The following RNGTT variants were observed in gnomAD, a reference collection of about 807,000 sequenced individuals.
RNGTT encodes the protein mRNA-capping enzyme.
Under a neutral mutation model 79.3 loss-of-function variants are expected in RNGTT, and 33 were observed. The observed-to-expected ratio is 0.42, with a 90% CI of 0.32 to 0.56. RNGTT has a LOEUF of 0.56. Among genes scored for constraint, RNGTT ranks in the 20% least tolerant of loss-of-function variants. The probability of loss-of-function intolerance (pLI) is 0.17; values close to 1 mark genes in which losing one functional copy is unlikely to be tolerated. For missense variants in RNGTT, 497 were observed against 739.1 expected (o/e 0.67, Z 3.80); for synonymous variants, 222 against 235.9 (o/e 0.94, Z 0.54).
intron 14 of RNGTT, among the ~76,000 whole-genome samples, chr6:88,675,102 GA>G (rs10554864): frequency 0.013 from 1,387 of 106,606 alleles, 10 homozygotes; most frequent in African/African-American, 0.024. Context: ...CGTCTCAGAA[GA>G]AAAAAAAAAA....
At chr6:88,854,910 T>C (rs1212981010) in intron 8 of RNGTT, among the ~76,000 whole-genome samples, 1 of 152,140 alleles carries the variant, frequency 6.6e-6, no homozygotes, top group East Asian at 1.9e-4. Flanking sequence ...AAATGGATAA[T>C]AAGAAGACTT....
intron 13 of RNGTT, among the ~76,000 whole-genome samples, chr6:88,718,860 A>G (rs1182912671): frequency 6.6e-6 from 1 of 152,198 alleles, no homozygotes; most frequent in Non-Finnish European, 1.5e-5. Flanking sequence ...AAGAGAGGAT[A>G]CAGAGTATCC....
At chr6:88,682,312 T>C (rs924924853) in intron 13 of RNGTT, among the ~76,000 whole-genome samples, 2 of 152,218 alleles carry the variant, frequency 1.3e-5, no homozygotes, top group Non-Finnish European at 2.9e-5. Flanking sequence ...ACAAAATACC[T>C]TGAAACAACT....
intron 15 of RNGTT, among the ~76,000 whole-genome samples, chr6:88,613,830 T>C (rs778622556): frequency 6.6e-6 from 1 of 152,238 alleles, no homozygotes; most frequent in Non-Finnish European, 1.5e-5. Flanking sequence ...GCAGATTTTG[T>C]CTTTTTAAAT....
chr6:88,656,497 CTT>C (rs1190809431), intron 14 of RNGTT, among the ~76,000 whole-genome samples: 1 of 151,900 alleles, frequency 6.6e-6, no homozygotes, highest in Non-Finnish European at 1.5e-5. Context: ...TCTAGTATCT[CTT>C]TGGTTAATAG....
rs188456130 is a variant in RNGTT at position 88,695,407 on chromosome 6, A to T, written c.1440-16988T>A. ...CAAATGGCCAACAGGTATATGAAAA[A>T]TTGTTCAATATCACTAAGCATTAGG... is the stretch of plus-strand genomic sequence containing the variant. On this transcript the variant is annotated intron_variant, in intron 13 of 15. Coordinates refer to ENST00000369485, the MANE Select transcript of RNGTT (RefSeq NM_003800.5). Among the ~76,000 whole-genome samples, 785 of 152,340 alleles carry T rather than the reference A, an allele frequency of 5.2e-3. 8 individuals carry two copies. Among genetic ancestry groups the T allele is most frequent in the Non-Finnish European group, 8.2e-3 (556 of 68,034 alleles).
intron 13 of RNGTT, among the ~76,000 whole-genome samples, chr6:88,680,137 T>C (rs955975473): frequency 7.2e-5 from 11 of 152,328 alleles, no homozygotes; most frequent in Non-Finnish European, 1.2e-4. Flanking sequence ...CATACTGATA[T>C]AATCATAGAA....
At chr6:88,615,330 C>T (rs776326001) in intron 14 of RNGTT, among the ~76,000 whole-genome samples, 6 of 152,116 alleles carry the variant, frequency 3.9e-5, no homozygotes, top group African/African-American at 4.8e-5. Flanking sequence ...AGGAATATGA[C>T]GAGAAGTAAG....
chr6:88,876,574 T>C (rs550245898), intron 8 of RNGTT, among the ~76,000 whole-genome samples: 6 of 152,312 alleles, frequency 3.9e-5, no homozygotes, highest in African/African-American at 1.4e-4. Flanking sequence ...AAGCCTATCA[T>C]AGCTAGCACA....
intron 4 of RNGTT, among the ~76,000 whole-genome samples, chr6:88,913,214 C>CAAAAAAAAAAAAAAAAAAA (rs58717773): frequency 1.5e-5 from 1 of 65,524 alleles, no homozygotes; most frequent in African/African-American, 4.6e-5. Context: ...CAAAAAAAAA[C>CAAAAAAAAAAAAAAAAAAA]AAAAAAAAAA....
intron 13 of RNGTT, among the ~76,000 whole-genome samples, chr6:88,697,902 G>C (rs1470232317): frequency 5.0e-5 from 4 of 80,560 alleles, no homozygotes; most frequent in South Asian, 3.5e-4. Context: ...ATATATATAT[G>C]ATATATATAT....
intron 13 of RNGTT, among the ~76,000 whole-genome samples, chr6:88,717,183 G>A (rs1299851910): frequency 6.6e-6 from 1 of 152,166 alleles, no homozygotes; most frequent in Non-Finnish European, 1.5e-5. Context: ...AAAGATAAAT[G>A]ATCATCCAAA....
intron 13 of RNGTT, among the ~76,000 whole-genome samples, chr6:88,713,217 T>C (rs1391913864): frequency 6.6e-6 from 1 of 152,060 alleles, no homozygotes; most frequent in Non-Finnish European, 1.5e-5. Context: ...TCAATAACAC[T>C]TGCTTCCTTT....
intron 13 of RNGTT, among the ~76,000 whole-genome samples, chr6:88,687,463 C>T (rs1775319346): frequency 6.6e-6 from 1 of 152,146 alleles, no homozygotes; most frequent in African/African-American, 2.4e-5. Context: ...CTAAAAAATA[C>T]ATATACACAA....
At chr6:88,826,185 C>T (rs985672871) in intron 11 of RNGTT, among the ~76,000 whole-genome samples, 1 of 152,138 alleles carries the variant, frequency 6.6e-6, no homozygotes, top group Non-Finnish European at 1.5e-5. Context: ...TGGTTTACAA[C>T]CGATAGCATC....
chr6:88,714,984 G>T (rs1776457275), intron 13 of RNGTT, among the ~76,000 whole-genome samples: 1 of 152,142 alleles, frequency 6.6e-6, no homozygotes, highest in African/African-American at 2.4e-5. Context: ...CCAGGAGAAG[G>T]AAATAAAGGG....
At chr6:88,934,868 C>T (rs1041000965) in intron 2 of RNGTT, among the ~76,000 whole-genome samples, 104 of 152,214 alleles carry the variant, frequency 6.8e-4, no homozygotes, top group African/African-American at 2.4e-3. Context: ...CCCACCTTGG[C>T]CTCCCAAAGT....
At chr6:88,643,948 G>A (rs1254462830) in intron 14 of RNGTT, among the ~76,000 whole-genome samples, 1 of 152,000 alleles carries the variant, frequency 6.6e-6, no homozygotes, top group Non-Finnish European at 1.5e-5. Flanking sequence ...AAGAACTAGA[G>A]AAGCAAGAGC....
chr6:88,691,538 A>G (rs1229927847), intron 13 of RNGTT, among the ~76,000 whole-genome samples: 2 of 152,220 alleles, frequency 1.3e-5, no homozygotes, highest in Non-Finnish European at 2.9e-5. Flanking sequence ...TGTAAAGAAG[A>G]GCAAAGAAGT....
Sources: gnomAD v4.1 joint callset for allele counts (sites outside exome capture counted in the v4.1 genomes callset) on GRCh38, gnomAD v4.1.1 for gene constraint, MANE v1.5 for transcripts, NCBI Gene and HGNC (gene_info 2026-07-23, HGNC 2026-07-21) for gene names.